DENND2B: variants seen among roughly 807,000 people sequenced by gnomAD.
The protein encoded by DENND2B is DENN domain containing 2B, also known as DENN domain-containing protein 2B.
Under a neutral mutation model 116.0 loss-of-function variants are expected in DENND2B, and 32 were observed. The observed-to-expected ratio is 0.28, with a 90% CI of 0.21 to 0.37. DENND2B has a LOEUF of 0.37. Ranked by LOEUF, DENND2B falls within the 10% of genes least tolerant of loss-of-function variation. The pLI, the probability that DENND2B is intolerant of heterozygous loss-of-function variation, is 1.00. For synonymous variants in DENND2B, 588 were observed against 583.9 expected, an observed-to-expected ratio of 1.01 and a Z score of -0.10; for missense variants, 1,276 against 1,477.7, an observed-to-expected ratio of 0.86 and a Z score of 2.24.
chr11:8,767,831 A>C (rs936536809), intron 1 of DENND2B, among the ~76,000 whole-genome samples: 47 of 152,202 alleles, frequency 3.1e-4, no homozygotes, highest in African/African-American at 1.0e-3. Flanking sequence ...GAGTTGACTA[A>C]AAAGTTTAAA....
chr11:8,781,728 G>C (rs1182823834), intron 1 of DENND2B, among the ~76,000 whole-genome samples: 4 of 151,904 alleles, frequency 2.6e-5, no homozygotes, highest in Non-Finnish European at 5.9e-5. Context: ...ACTGACAAGT[G>C]ATTAAAAATC....
intron 4 of DENND2B, among the ~76,000 whole-genome samples, chr11:8,830,407 C>T (rs1248256128): frequency 6.6e-6 from 1 of 152,198 alleles, no homozygotes; most frequent in Non-Finnish European, 1.5e-5. Context: ...GGTTCGTAAA[C>T]CAACACAGTT....
chr11:8,764,979 A>C (rs2134139291), intron 1 of DENND2B, among the ~76,000 whole-genome samples: 1 of 150,518 alleles, frequency 6.6e-6, no homozygotes, highest in East Asian at 2.0e-4. Flanking sequence ...TTAGAAAAGG[A>C]TATTAGCAGA....
chr11:8,774,542 C>G (rs1371856425), intron 1 of DENND2B, among the ~76,000 whole-genome samples: 1 of 152,194 alleles, frequency 6.6e-6, no homozygotes, highest in Non-Finnish European at 1.5e-5. Context: ...GAAGATTCTT[C>G]CCCTTCAGTA....
At chr11:8,755,777 C>G (rs567343257) in intron 1 of DENND2B, among the ~76,000 whole-genome samples, 1 of 152,162 alleles carries the variant, frequency 6.6e-6, no homozygotes, top group Admixed American at 6.5e-5. Context: ...CATGAGCCAC[C>G]ATGCTTGGCC....
At chr11:8,822,247 T>C (rs959576353) in intron 4 of DENND2B, among the ~76,000 whole-genome samples, 15 of 152,228 alleles carry the variant, frequency 9.9e-5, no homozygotes, top group African/African-American at 3.4e-4. Context: ...ATACTAAAGA[T>C]GTACAGCATG....
At chr11:8,697,854 C>T (rs370104596) in intron 16 of DENND2B, 10 of 574,468 alleles carry the variant, frequency 1.7e-5, no homozygotes, top group South Asian at 5.6e-5. Context: ...GAGGGTCAGG[C>T]GCAGTGGCTC....
chr11:8,718,629 C>T, intron 4 of DENND2B: 1 of 1,317,966 alleles, frequency 7.6e-7, no homozygotes, highest in Non-Finnish European at 9.7e-7. Context: ...AACAAACTCT[C>T]CTGCTGTGAC....
intron 4 of DENND2B, among the ~76,000 whole-genome samples, chr11:8,823,573 T>C (rs990020881): frequency 1.3e-5 from 2 of 152,138 alleles, no homozygotes; most frequent in African/African-American, 4.8e-5. Context: ...GTTTTCATGA[T>C]AGTGAGTGAG....
intron 2 of DENND2B, among the ~76,000 whole-genome samples, chr11:8,737,496 T>C (rs2049273118): frequency 6.6e-6 from 1 of 151,868 alleles, no homozygotes; most frequent in African/African-American, 2.4e-5. Context: ...GAGGTTTTGG[T>C]AGAGAGGTAG....
intron 1 of DENND2B, among the ~76,000 whole-genome samples, chr11:8,752,142 G>A (rs2052625127): frequency 6.6e-6 from 1 of 152,140 alleles, no homozygotes; most frequent in Admixed American, 6.6e-5. Context: ...GTGATGGTAA[G>A]TGGAATAAAA....
At chr11:8,910,578 ACGGG>A in intron 1 of DENND2B, among the ~76,000 whole-genome samples, 1 of 148,742 alleles carries the variant, frequency 6.7e-6, no homozygotes, top group Non-Finnish European at 1.5e-5. Context: ...GTGTGTGGAC[ACGGG>A]TTGTCGCTAT....
intron 4 of DENND2B, among the ~76,000 whole-genome samples, chr11:8,722,208 G>A (rs1223047637): frequency 6.6e-6 from 1 of 152,200 alleles, no homozygotes; most frequent in African/African-American, 2.4e-5. Context: ...CATGCCTAGT[G>A]TAGGCAGGAG....
chr11:8,694,189 CCT>C (rs1334349508), intron 19 of DENND2B, 59 bp from the exon 20 acceptor site: 1 of 1,592,602 alleles, frequency 6.3e-7, no homozygotes, highest in Non-Finnish European at 8.6e-7. Context: ...ACCTCCACTC[CCT>C]CTCCTCCTTG....
chr11:8,867,132 C>G lies in DENND2B; in HGVS notation c.-250+3822G>C, dbSNP rs185757818. On this transcript the variant is annotated intron_variant, in intron 2 of 6. Transcript: ENST00000524757. ...TGGCCAAACAACCAAGTCTCCAGAG[C>G]ACTAGCAAGTTCAGAGGAAACGGCG... Among the ~76,000 whole-genome samples, 784 of 152,238 alleles carry G rather than the reference C, an allele frequency of 5.1e-3. 2 individuals carry two copies. Among genetic ancestry groups the G allele is most frequent in the Non-Finnish European group, 6.9e-3 (468 of 68,020 alleles).
At position 8,712,674 on chromosome 11, in the gene DENND2B, C is replaced by T. The variant is rs754005087; in HGVS notation, c.2049G>A (p.Thr683=). The T allele has an allele frequency of 1.9e-5, 30 of 1,608,864 alleles. No homozygotes were observed. The highest frequency in any genetic ancestry group is 1.5e-4 in the Admixed American group (9 of 59,292). The change falls in exon 9 of 20, where the codon ACG becomes ACA. Residue 683 remains threonine, a synonymous_variant. Coordinates refer to ENST00000313726, the MANE Select transcript of DENND2B (RefSeq NM_213618.2). This position sits in a 1 kb window ranked among gnomAD's most constrained non-coding sequence, Gnocchi z 4.4. The part of the protein sequence containing the change: ...SMLKRAPSYR[T]LELELLEWQE... ...GCCACTCCAGCAGCTCCAGCTCCAG[C>T]GTGCGATAGCTGGGGGCGCGCTTCA...
intron 1 of DENND2B, among the ~76,000 whole-genome samples, chr11:8,881,360 T>G (rs1010227145): frequency 6.6e-6 from 1 of 152,194 alleles, no homozygotes. Context: ...AAATTTCTCT[T>G]TCTACAACTC....
chr11:8,742,989 G>A (rs927299947), intron 2 of DENND2B, among the ~76,000 whole-genome samples: 6 of 152,012 alleles, frequency 3.9e-5, no homozygotes, highest in South Asian at 4.1e-4. Context: ...ACTTGAACCC[G>A]GGAGGCGGAG....
chr11:8,752,906 C>T (rs563954247), intron 1 of DENND2B, among the ~76,000 whole-genome samples: 7 of 152,258 alleles, frequency 4.6e-5, no homozygotes, highest in South Asian at 2.1e-4. Context: ...TGCTGAGTGA[C>T]TTCAAGTAAA....
Sources: allele counts gnomAD v4.1 joint callset (sites outside exome capture counted in the v4.1 genomes callset), GRCh38; gene constraint gnomAD v4.1.1; non-coding constraint Gnocchi (gnomAD v3.1); transcripts MANE v1.5; gene names NCBI Gene and HGNC (gene_info 2026-07-23, HGNC 2026-07-21).